ROBO2: variants seen among roughly 807,000 people sequenced by gnomAD.
ROBO2 encodes the protein roundabout guidance receptor 2, also known as roundabout homolog 2.
ROBO2 carries 53 observed loss-of-function variants against 160.8 expected under a neutral mutation model. The observed-to-expected ratio is 0.33, with a 90% confidence interval of 0.26 to 0.41. The LOEUF is 0.41. ROBO2 is among the 10% of genes least tolerant of loss of function. The pLI is 1.00. For synonymous variants in ROBO2, 664 were observed against 611.7 expected, an observed-to-expected ratio of 1.09 and a Z score of -1.26; for missense variants, 1,577 against 1,722.4, an observed-to-expected ratio of 0.92 and a Z score of 1.49.
intron 2 of ROBO2, among the ~76,000 whole-genome samples, chr3:76,814,430 G>A (rs1454198081): frequency 6.6e-6 from 1 of 152,098 alleles, no homozygotes; most frequent in Admixed American, 6.6e-5. Context: ...GTCACTGTAA[G>A]GAGCAAATAT....
intron 2 of ROBO2, among the ~76,000 whole-genome samples, chr3:76,875,608 T>C (rs2072627345): frequency 6.6e-6 from 1 of 152,068 alleles, no homozygotes; most frequent in South Asian, 2.1e-4. Context: ...GATAGCCACT[T>C]TACTCTGAAC....
At chr3:76,406,434 C>G (rs1388080733) in intron 2 of ROBO2, among the ~76,000 whole-genome samples, 1 of 151,746 alleles carries the variant, frequency 6.6e-6, no homozygotes, top group Non-Finnish European at 1.5e-5. Flanking sequence ...ATTTCTAGTC[C>G]TTGTATGGAT....
chr3:76,871,293 G>T (rs1476559909), intron 2 of ROBO2, among the ~76,000 whole-genome samples: 1 of 152,042 alleles, frequency 6.6e-6, no homozygotes, highest in East Asian at 1.9e-4. Flanking sequence ...GGTGGCTCAC[G>T]CCTGTAATCC....
At chr3:77,552,243 T>C (rs1666119) in intron 8 of ROBO2, among the ~76,000 whole-genome samples, 115,775 of 151,984 alleles carry the variant, frequency 0.76, 44,378 homozygotes, top group African/African-American at 0.82. Flanking sequence ...CCAAAGCCTA[T>C]GTTTTATTCT....
chr3:76,972,880 CA>C (rs2059639027), intron 2 of ROBO2, among the ~76,000 whole-genome samples: 1 of 152,054 alleles, frequency 6.6e-6, no homozygotes, highest in Non-Finnish European at 1.5e-5. Context: ...TACATAAATA[CA>C]TAAAAATTAA....
At chr3:76,443,401 T>G (rs929504634) in intron 2 of ROBO2, among the ~76,000 whole-genome samples, 1 of 152,130 alleles carries the variant, frequency 6.6e-6, no homozygotes, top group Admixed American at 6.6e-5. Flanking sequence ...CCGCATCCAC[T>G]GAGAGTCTTG....
At chr3:77,221,816 C>A (rs1356225687) in intron 2 of ROBO2, among the ~76,000 whole-genome samples, 2 of 151,522 alleles carry the variant, frequency 1.3e-5, no homozygotes, top group African/African-American at 4.8e-5. Context: ...AATTGATAGC[C>A]CAATGGACTT....
At chr3:77,218,989 A>T (rs2085349907) in intron 2 of ROBO2, among the ~76,000 whole-genome samples, 1 of 152,066 alleles carries the variant, frequency 6.6e-6, no homozygotes, top group South Asian at 2.1e-4. Flanking sequence ...GTTTGTTGAG[A>T]TGGAGTCTTG....
chr3:77,417,743 T>A (rs1229385996), intron 2 of ROBO2, among the ~76,000 whole-genome samples: 2 of 152,108 alleles, frequency 1.3e-5, no homozygotes, highest in East Asian at 3.9e-4. Flanking sequence ...GTCATAGTGT[T>A]CTTGTACTCA....
intron 2 of ROBO2, among the ~76,000 whole-genome samples, chr3:77,277,415 A>G (rs2059958735): frequency 1.3e-5 from 2 of 151,920 alleles, no homozygotes; most frequent in African/African-American, 2.4e-5. Flanking sequence ...TATTAAGCCC[A>G]GCAGTCATTA....
intron 2 of ROBO2, among the ~76,000 whole-genome samples, chr3:76,191,928 T>C (rs998611009): frequency 6.6e-6 from 1 of 152,082 alleles, no homozygotes; most frequent in African/African-American, 2.4e-5. Flanking sequence ...CTATTTTGCT[T>C]GCCCCATGTA....
intron 2 of ROBO2, among the ~76,000 whole-genome samples, chr3:76,633,885 C>G (rs565431644): frequency 2.7e-4 from 40 of 145,548 alleles, no homozygotes; most frequent in African/African-American, 1.0e-3. Flanking sequence ...CTATGCCTCA[C>G]TGATAACCCC....
intron 2 of ROBO2, among the ~76,000 whole-genome samples, chr3:76,841,905 T>A (rs986098262): frequency 6.6e-6 from 1 of 152,312 alleles, no homozygotes; most frequent in East Asian, 1.9e-4. Context: ...AGGCGCAGTA[T>A]GTACCAGCTG....
chr3:76,285,186 TC>T (rs1230632734), intron 2 of ROBO2, among the ~76,000 whole-genome samples: 8 of 152,282 alleles, frequency 5.3e-5, no homozygotes, highest in African/African-American at 1.9e-4. Context: ...GTTCAAGTAG[TC>T]ATTTACTGGA....
At chr3:77,205,289 G>C (rs1335300362) in intron 2 of ROBO2, among the ~76,000 whole-genome samples, 1 of 151,966 alleles carries the variant, frequency 6.6e-6, no homozygotes, top group Non-Finnish European at 1.5e-5. Context: ...GAGCTGGGCG[G>C]GGGCAATGGA....
At chr3:77,350,491 T>C (rs1322895750) in intron 2 of ROBO2, among the ~76,000 whole-genome samples, 1 of 152,134 alleles carries the variant, frequency 6.6e-6, no homozygotes, top group East Asian at 1.9e-4. Flanking sequence ...TGAAACAAAA[T>C]CAACCACTCC....
chr3:76,789,426 A>G (rs1160982128), intron 2 of ROBO2, among the ~76,000 whole-genome samples: 1 of 151,500 alleles, frequency 6.6e-6, no homozygotes, highest in African/African-American at 2.4e-5. Context: ...GTGGCTACAC[A>G]CTGTATACAG....
At chr3:76,744,532 T>C (rs988230007) in intron 2 of ROBO2, among the ~76,000 whole-genome samples, 1 of 152,002 alleles carries the variant, frequency 6.6e-6, no homozygotes, top group Non-Finnish European at 1.5e-5. Flanking sequence ...GCTAATTTTT[T>C]TCAATTTTTA....
rs370454511 is a variant in ROBO2 at position 76,216,022 on chromosome 3, A to G, written c.109+278420A>G. On this transcript the variant is annotated intron_variant, in intron 2 of 26. Coordinates refer to the ROBO2 transcript ENST00000487694. ...GTCAATATTCAACATTCTTAAAGGA[A>G]AGAATTTTCAACCCAGAATTTCATA... is the stretch of plus-strand genomic sequence containing the variant. 3.3e-5 allele frequency among the ~76,000 whole-genome samples: 5 copies of G among 152,214 alleles called. No homozygotes were observed. In the East Asian group the frequency reaches 5.8e-4, roughly 18 times the overall value.
Sources: allele counts gnomAD v4.1 joint callset (sites outside exome capture counted in the v4.1 genomes callset), GRCh38; gene constraint gnomAD v4.1.1; transcripts MANE v1.5; gene names NCBI Gene and HGNC (gene_info 2026-07-23, HGNC 2026-07-21).